TLE4: variants seen among roughly 807,000 people sequenced by gnomAD.
TLE4 encodes TLE family member 4, transcriptional corepressor.
Under a neutral mutation model 92.8 loss-of-function variants are expected in TLE4, and 8 were observed. That is an observed-to-expected ratio of 0.09 (90% CI 0.05 to 0.16). The LOEUF is 0.16. TLE4 is among the 10% of genes least tolerant of loss of function. The probability of loss-of-function intolerance (pLI) is 1.00; values close to 1 mark genes in which losing one functional copy is unlikely to be tolerated. For synonymous variants in TLE4, 371 were observed against 374.1 expected (o/e 0.99, Z 0.10); for missense variants, 675 against 997.6 (o/e 0.68, Z 4.36).
intron 4 of TLE4, among the ~76,000 whole-genome samples, chr9:79,602,687 G>C (rs1312161138): frequency 6.6e-6 from 1 of 152,188 alleles, no homozygotes; most frequent in African/African-American, 2.4e-5. Flanking sequence ...TGATGGAGAT[G>C]TACAAGGAGA....
intron 8 of TLE4, among the ~76,000 whole-genome samples, chr9:79,655,078 G>T (rs2059585978): frequency 6.6e-6 from 1 of 152,164 alleles, no homozygotes; most frequent in African/African-American, 2.4e-5. Flanking sequence ...GGAGGCAGAG[G>T]TTGCAGTGAG....
chr9:79,652,530 C>G, intron 6 of TLE4, 63 bp from the exon 7 acceptor site: 2 of 1,580,812 alleles, frequency 1.3e-6, no homozygotes, highest in Non-Finnish European at 1.7e-6. Flanking sequence ...CTTTCTGTTT[C>G]TCTTGGGGCA....
chr9:79,691,743 T>C (rs1015804545), intron 8 of TLE4, among the ~76,000 whole-genome samples: 4 of 152,236 alleles, frequency 2.6e-5, no homozygotes, highest in Admixed American at 6.5e-5. Flanking sequence ...CAGCTTTTGC[T>C]TCAGGTGTCA....
Position 79,721,214 on chromosome 9 carries a change from G to A in TLE4, c.1839-527G>A, listed in dbSNP as rs553630493. Among the ~76,000 whole-genome samples, 3 of 151,968 alleles carry A rather than the reference G, an allele frequency of 2.0e-5. No individual in the cohort carries two copies. The East Asian group carries it at 5.8e-4, about 29-fold the overall frequency. On this transcript the variant is annotated intron_variant, in intron 16 of 19. Transcript: ENST00000376552. ...TACGTTTTGCCATGAGTGATTCCTG[G>A]GCCAGTAGTTCACACTGAGTGTCTT...
At chr9:79,573,522 C>T (rs2036585064) in intron 1 of TLE4, 167 bp from the exon 2 acceptor site, 4 of 826,228 alleles carry the variant, frequency 4.8e-6, no homozygotes, top group Non-Finnish European at 6.8e-6. Flanking sequence ...CCAGCCTCTG[C>T]CTGGGCTGTT....
chr9:79,678,114 AAT>A (rs1337547798), intron 8 of TLE4, among the ~76,000 whole-genome samples: 1 of 152,106 alleles, frequency 6.6e-6, no homozygotes, highest in Non-Finnish European at 1.5e-5. Context: ...GTGAACTATA[AAT>A]ATATTAAATG....
chr9:79,694,123 G>A (rs540877183), intron 8 of TLE4, among the ~76,000 whole-genome samples: 1 of 152,264 alleles, frequency 6.6e-6, no homozygotes, highest in South Asian at 2.1e-4. Flanking sequence ...AAGGGCGGAG[G>A]GGGGAGTGTG....
chr9:79,605,672 G>A (rs2046664893), intron 4 of TLE4, among the ~76,000 whole-genome samples: 1 of 152,006 alleles, frequency 6.6e-6, no homozygotes, highest in Admixed American at 6.6e-5. Flanking sequence ...TGGGTATACC[G>A]TGATTCTCTT....
At chr9:79,611,405 TG>T (rs1426955142) in intron 4 of TLE4, among the ~76,000 whole-genome samples, 7 of 152,040 alleles carry the variant, frequency 4.6e-5, no homozygotes, top group African/African-American at 1.7e-4. Context: ...TGTTTTCTTT[TG>T]GCTGGTAAAG....
chr9:79,671,073 C>A (rs555070299), intron 8 of TLE4: 1 of 256,048 alleles, frequency 3.9e-6, no homozygotes. Flanking sequence ...AAAAAATCTA[C>A]AAAATGGATC....
At chr9:79,589,009 C>T (rs951911272) in intron 4 of TLE4, among the ~76,000 whole-genome samples, 2 of 152,118 alleles carry the variant, frequency 1.3e-5, no homozygotes, top group East Asian at 1.9e-4. Context: ...GGGGTTGTCA[C>T]AACTTGGAGT....
intron 15 of TLE4, 40 bp from the exon 16 acceptor site, chr9:79,720,006 T>C (rs547764366): frequency 6.4e-7 from 1 of 1,566,108 alleles, no homozygotes; most frequent in African/African-American, 1.4e-5. Context: ...CTGTTTTCCT[T>C]TCCTCATGAG....
chr9:79,641,460 T>G (rs1475636933), intron 6 of TLE4, among the ~76,000 whole-genome samples: 1 of 152,146 alleles, frequency 6.6e-6, no homozygotes, highest in South Asian at 2.1e-4. Flanking sequence ...AAACCCTTAG[T>G]GTGCACAGCC....
In TLE4 at chr9:79,700,218, TCCCTTA is replaced by T. The variant is rs1200103389; in HGVS notation, c.610-4563_610-4558del. Among the ~76,000 whole-genome samples the T allele has an allele frequency of 2.0e-5, 3 of 152,322 alleles. No homozygotes were observed. In the East Asian group the frequency reaches 5.8e-4, roughly 29 times the overall value. On this transcript the variant is annotated intron_variant, in intron 8 of 19. Coordinates refer to ENST00000376552, the MANE Select transcript of TLE4 (RefSeq NM_007005.6). ...AAAGAGAGGCTGAGACTAAGCAACA[TCCCTTA>T]CGGCTATTAAGTGAAGACTCTAGAC...
At chr9:79,629,557 C>T (rs943333176) in intron 6 of TLE4, among the ~76,000 whole-genome samples, 1 of 152,156 alleles carries the variant, frequency 6.6e-6, no homozygotes, top group Non-Finnish European at 1.5e-5. Flanking sequence ...CTCAGCAGTA[C>T]ATTCTGTCAA....
intron 14 of TLE4, among the ~76,000 whole-genome samples, chr9:79,713,612 GAA>G (rs2073859325): frequency 6.6e-6 from 1 of 152,122 alleles, no homozygotes; most frequent in Admixed American, 6.5e-5. Context: ...ATTATATTCA[GAA>G]AGTACTTTTG....
chr9:79,699,382 A>C (rs2069134784), intron 8 of TLE4, among the ~76,000 whole-genome samples: 1 of 152,212 alleles, frequency 6.6e-6, no homozygotes, highest in African/African-American at 2.4e-5. Context: ...AATGTTTGAG[A>C]ATTCCTATAG....
intron 4 of TLE4, among the ~76,000 whole-genome samples, chr9:79,609,708 G>T (rs757218755): frequency 5.3e-5 from 8 of 152,024 alleles, no homozygotes; most frequent in Non-Finnish European, 1.0e-4. Context: ...CAATAGTTTA[G>T]CAGTGTCCAT....
intron 4 of TLE4, among the ~76,000 whole-genome samples, chr9:79,603,719 A>G (rs139415270): frequency 5.5e-4 from 83 of 152,210 alleles, no homozygotes; most frequent in African/African-American, 1.6e-3. Context: ...TTCCCAAACA[A>G]TTGTAGCGTG....
Sources: gnomAD v4.1 joint callset for allele counts (sites outside exome capture counted in the v4.1 genomes callset) on GRCh38, gnomAD v4.1.1 for gene constraint, MANE v1.5 for transcripts, NCBI Gene and HGNC (gene_info 2026-07-23, HGNC 2026-07-21) for gene names.